The following SUCLG1 variants were observed in gnomAD, a reference collection of about 807,000 sequenced individuals.
SUCLG1 encodes succinate-CoA ligase GDP/ADP-forming subunit alpha.
Under a neutral mutation model 37.3 loss-of-function variants are expected in SUCLG1, and 26 were observed. The observed-to-expected ratio is 0.70, with a 90% CI of 0.51 to 0.97. The LOEUF (loss-of-function observed/expected upper bound fraction) is 0.97. Among genes scored for constraint, SUCLG1 ranks in the 50% least tolerant of loss-of-function variants. The probability of loss-of-function intolerance (pLI) is 0.00; values close to 1 mark genes in which losing one functional copy is unlikely to be tolerated. For synonymous variants in SUCLG1, 163 were observed against 155.6 expected (o/e 1.05, Z -0.36); for missense variants, 433 against 432.9 (o/e 1.00, Z 0.00).
intron 3 of SUCLG1, among the ~76,000 whole-genome samples, chr2:84,442,597 T>C (rs751288131): frequency 2.0e-4 from 31 of 152,228 alleles, no homozygotes; most frequent in Non-Finnish European, 4.1e-4. Flanking sequence ...AATTTAACTT[T>C]ACTTACTTTT....
intron 1 of SUCLG1, among the ~76,000 whole-genome samples, chr2:84,455,502 A>AC (rs397724077): frequency 6.6e-6 from 1 of 151,214 alleles, no homozygotes; most frequent in Non-Finnish European, 1.5e-5. Context: ...CTCAAAAAAA[A>AC]CATATATATC....
At chr2:84,440,722 G>A (rs1256367966) in intron 5 of SUCLG1, among the ~76,000 whole-genome samples, 1 of 152,130 alleles carries the variant, frequency 6.6e-6, no homozygotes, top group Non-Finnish European at 1.5e-5. Flanking sequence ...ATACTCCTTA[G>A]CAATAACTAA....
At chr2:84,431,253 T>C (rs547804508) in intron 7 of SUCLG1, among the ~76,000 whole-genome samples, 1 of 152,264 alleles carries the variant, frequency 6.6e-6, no homozygotes, top group African/African-American at 2.4e-5. Context: ...AATGTATCTG[T>C]TCAGCAGGAG....
At position 84,449,762 on chromosome 2, in the gene SUCLG1, T is replaced by TAA. The variant is rs56733272; in HGVS notation, c.98-12_98-11dup. 5.7e-5 allele frequency: 45 copies of TAA among 792,042 alleles called. No individual in the cohort carries two copies. Among genetic ancestry groups the TAA allele is most frequent in the South Asian group, 8.1e-5 (4 of 49,592 alleles). 49.1% of individuals were successfully genotyped at this position (792,042 alleles called of 1,614,324 possible). ...ATTCCATTCTGCGGCACTAAGAGGT[T>TAA]AAAAAAAAAAAAAAAAAAAAAAAAA... is the stretch of plus-strand genomic sequence containing the variant. On this transcript the variant is annotated splice_polypyrimidine_tract_variant and intron_variant, in intron 1 of 8. Coordinates refer to ENST00000393868, the MANE Select transcript of SUCLG1 (RefSeq NM_003849.4).
intron 5 of SUCLG1, among the ~76,000 whole-genome samples, chr2:84,434,307 T>C (rs980244822): frequency 3.3e-5 from 5 of 152,192 alleles, no homozygotes. Flanking sequence ...TTCCCAATGA[T>C]TTTCAACCAA....
At chr2:84,430,603 G>C (rs182118717) in intron 7 of SUCLG1, among the ~76,000 whole-genome samples, 1 of 152,204 alleles carries the variant, frequency 6.6e-6, no homozygotes, top group Admixed American at 6.5e-5. Context: ...CCCTGTACAT[G>C]ATATTATTGG....
chr2:84,447,088 A>G (rs1326049108), intron 2 of SUCLG1, among the ~76,000 whole-genome samples: 1 of 152,258 alleles, frequency 6.6e-6, no homozygotes, highest in Non-Finnish European at 1.5e-5. Context: ...AAACAAGATG[A>G]CACCCACTGG....
intron 5 of SUCLG1, among the ~76,000 whole-genome samples, chr2:84,436,117 G>T (rs75796789): frequency 1.2e-4 from 18 of 152,282 alleles, no homozygotes; most frequent in African/African-American, 3.4e-4. Flanking sequence ...GGCAGGTACT[G>T]ATGGCAAATA....
At chr2:84,436,815 A>G (rs1422937870) in intron 5 of SUCLG1, among the ~76,000 whole-genome samples, 6 of 152,142 alleles carry the variant, frequency 3.9e-5, no homozygotes, top group Non-Finnish European at 8.8e-5. Flanking sequence ...CTAGACTATA[A>G]TTTTCAATGG....
intron 5 of SUCLG1, among the ~76,000 whole-genome samples, chr2:84,439,075 A>C (rs1402975956): frequency 6.6e-6 from 1 of 152,148 alleles, no homozygotes; most frequent in Non-Finnish European, 1.5e-5. Context: ...TGCCACCTTT[A>C]AGAGCTGTAA....
chr2:84,426,009 T>C (rs779572511), intron 7 of SUCLG1: 25 of 268,136 alleles, frequency 9.3e-5, no homozygotes, highest in Admixed American at 5.1e-5. Flanking sequence ...TTAATAAATG[T>C]GCTAAAAGAA....
At position 84,452,798 on chromosome 2, in the gene SUCLG1, T is replaced by C. The variant is rs190741281; in HGVS notation, c.98-3046A>G. 5.9e-5 allele frequency among the ~76,000 whole-genome samples: 9 copies of C among 152,296 alleles called. No individual in the cohort carries two copies. In the East Asian group the frequency reaches 1.5e-3, roughly 26 times the overall value. On this transcript the variant is annotated intron_variant, in intron 1 of 8. Transcript: ENST00000393868. Reference sequence around the variant, plus strand: ...TCTCCTATGGTATATGGTCAGTGCCTTACACACAGTAGGTCTATGGGAAAC... The same window carrying C: ...TCTCCTATGGTATATGGTCAGTGCCCTACACACAGTAGGTCTATGGGAAAC...
intron 1 of SUCLG1, among the ~76,000 whole-genome samples, chr2:84,455,991 G>A (rs1021982371): frequency 1.1e-4 from 17 of 152,148 alleles, no homozygotes; most frequent in Non-Finnish European, 2.5e-4. Flanking sequence ...ACTTTCTCAT[G>A]GCTACACTGG....
chr2:84,423,841 G>C (rs1331606575), intron 8 of SUCLG1, 69 bp from the exon 9 acceptor site: 10 of 1,495,818 alleles, frequency 6.7e-6, no homozygotes, highest in African/African-American at 1.4e-5. Context: ...ATCACATTTA[G>C]GATCAAAATG....
At chr2:84,429,307 C>G (rs1200958775) in intron 7 of SUCLG1, among the ~76,000 whole-genome samples, 2 of 152,120 alleles carry the variant, frequency 1.3e-5, no homozygotes, top group African/African-American at 4.8e-5. Flanking sequence ...CAGAATTGGG[C>G]CCAAATACAT....
At chr2:84,455,879 G>C (rs1344008723) in intron 1 of SUCLG1, among the ~76,000 whole-genome samples, 1 of 151,330 alleles carries the variant, frequency 6.6e-6, no homozygotes, top group African/African-American at 2.4e-5. Context: ...TGGTATGCCA[G>C]TCCCCTGATG....
chr2:84,436,165 T>C (rs1160212079), intron 5 of SUCLG1, among the ~76,000 whole-genome samples: 1 of 152,194 alleles, frequency 6.6e-6, no homozygotes, highest in Admixed American at 6.5e-5. Flanking sequence ...GAACACTGAA[T>C]GGCCTACAGC....
Position 84,431,624 on chromosome 2 carries a change from T to TAA in SUCLG1, c.707_708dup (p.Ile237LeufsTer9). The TAA allele has an allele frequency of 6.2e-7, 1 of 1,613,964 alleles. No individual in the cohort carries two copies. Among genetic ancestry groups the TAA allele is most frequent in the Non-Finnish European group, 8.5e-7 (1 of 1,179,896 alleles). On this transcript the variant is annotated frameshift_variant, in exon 7 of 9. Coordinates refer to ENST00000393868, the MANE Select transcript of SUCLG1 (RefSeq NM_003849.4). LOFTEE classifies it high-confidence loss of function. ...TTCAAAAAGATTTCGAGGCAGTCAA[T>TAA]AAAATCTGTTCCATTAAAAGGATCA... is the stretch of plus-strand genomic sequence containing the variant.
intron 6 of SUCLG1, 100 bp from the exon 7 acceptor site, chr2:84,431,759 TTCTC>T (rs1672617492): frequency 1.6e-6 from 2 of 1,219,302 alleles, no homozygotes; most frequent in Non-Finnish European, 2.4e-6. Context: ...TTTCTTACCC[TTCTC>T]TCTTATATTT....
Sources: allele counts gnomAD v4.1 joint callset (sites outside exome capture counted in the v4.1 genomes callset), GRCh38; gene constraint gnomAD v4.1.1; transcripts MANE v1.5; gene names NCBI Gene and HGNC (gene_info 2026-07-23, HGNC 2026-07-21).